The following CDH4 variants were observed in gnomAD, a reference collection of about 807,000 sequenced individuals.
The protein encoded by CDH4 is cadherin 4, also known as cadherin-4.
Under a neutral mutation model 86.0 loss-of-function variants are expected in CDH4, and 33 were observed. The ratio of observed to expected loss-of-function variants is 0.38; its 90% CI spans 0.29 to 0.51. The LOEUF (loss-of-function observed/expected upper bound fraction) is 0.51, where lower values mean the gene tolerates loss of function less well. Ranked by LOEUF, CDH4 falls within the 20% of genes least tolerant of loss-of-function variation. The pLI is 0.86. For synonymous variants in CDH4, 555 were observed against 549.4 expected, an observed-to-expected ratio of 1.01 and a Z score of -0.14; for missense variants, 1,114 against 1,307.4, an observed-to-expected ratio of 0.85 and a Z score of 2.28.
At chr20:61,639,654 T>A (rs2086985097) in intron 2 of CDH4, among the ~76,000 whole-genome samples, 1 of 152,208 alleles carries the variant, frequency 6.6e-6, no homozygotes, top group African/African-American at 2.4e-5. Context: ...GGGCCCTGAC[T>A]CTGCATGGTT....
At chr20:61,523,454 G>T (rs1350447732) in intron 2 of CDH4, among the ~76,000 whole-genome samples, 1 of 152,262 alleles carries the variant, frequency 6.6e-6, no homozygotes, top group African/African-American at 2.4e-5. Context: ...GAAGGCATTT[G>T]CCTCCGTCAT....
At position 61,310,961 on chromosome 20, in the gene CDH4, G is replaced by A. The variant is rs771641209; in HGVS notation, c.169+56024G>A. Among the ~76,000 whole-genome samples the A allele has an allele frequency of 1.0e-3, 156 of 152,258 alleles. 1 individual carries two copies. Among genetic ancestry groups the A allele is most frequent in the Middle Eastern group, 6.8e-3 (2 of 294 alleles). On this transcript the variant is annotated intron_variant, in intron 2 of 15. Coordinates refer to ENST00000614565, the MANE Select transcript of CDH4 (RefSeq NM_001794.5). Reference sequence around the variant, plus strand: ...ACGTTCTGTGGTACTGGGGGGTAGGGCTTCAAAATAGGAATTTGACGGGGA... The same window carrying A: ...ACGTTCTGTGGTACTGGGGGGTAGGACTTCAAAATAGGAATTTGACGGGGA...
chr20:61,464,351 AAAG>A (rs570385811), intron 2 of CDH4, among the ~76,000 whole-genome samples: 28 of 152,294 alleles, frequency 1.8e-4, no homozygotes, highest in African/African-American at 6.3e-4. Flanking sequence ...GATTGAACAT[AAAG>A]AGTGAGTGTT....
At chr20:61,649,647 G>A (rs1270084967) in intron 2 of CDH4, among the ~76,000 whole-genome samples, 2 of 152,216 alleles carry the variant, frequency 1.3e-5, no homozygotes, top group African/African-American at 4.8e-5. Flanking sequence ...GAGCGCGCGT[G>A]GCTGAACGGG....
At chr20:61,866,942 G>A (rs1424098524) in intron 6 of CDH4, among the ~76,000 whole-genome samples, 2 of 152,222 alleles carry the variant, frequency 1.3e-5, no homozygotes, top group Non-Finnish European at 2.9e-5. Context: ...CTCCCAAAGA[G>A]GGGCCTCCCA....
chr20:61,624,155 C>T (rs1276010400), intron 2 of CDH4, among the ~76,000 whole-genome samples: 1 of 152,180 alleles, frequency 6.6e-6, no homozygotes, highest in Non-Finnish European at 1.5e-5. Context: ...AACTCCATGA[C>T]CCAAGCATCC....
chr20:61,830,371 C>T (rs755530346), intron 4 of CDH4, among the ~76,000 whole-genome samples: 3 of 152,178 alleles, frequency 2.0e-5, no homozygotes, highest in African/African-American at 4.8e-5. Flanking sequence ...CCCCGGGACC[C>T]TCCCTGGGCT....
Position 61,902,773 on chromosome 20 carries a change from A to G in CDH4, c.1189-7649A>G, listed in dbSNP as rs1466480378. Among the ~76,000 whole-genome samples the G allele has an allele frequency of 1.3e-5, 2 of 152,220 alleles. No individual in the cohort carries two copies. The highest frequency in any genetic ancestry group is 2.9e-5 in the Non-Finnish European group (2 of 68,038). On this transcript the variant is annotated intron_variant, in intron 8 of 15. Coordinates refer to ENST00000614565, the MANE Select transcript of CDH4 (RefSeq NM_001794.5). The surrounding 1 kb of genome is among the most constrained non-coding windows in gnomAD (Gnocchi z 4.6). ...GCTACATAGGTGTCGTTTTGGGAATATTTGAAGGAGGAAGATTCTAGCATT... is the reference window on the plus strand; with the variant it reads ...GCTACATAGGTGTCGTTTTGGGAATGTTTGAAGGAGGAAGATTCTAGCATT...
intron 2 of CDH4, among the ~76,000 whole-genome samples, chr20:61,307,958 C>G (rs2084426414): frequency 1.3e-5 from 2 of 152,296 alleles, no homozygotes; most frequent in South Asian, 4.1e-4. Context: ...AGTGGTGTCA[C>G]CGTAGGAGCT....
intron 2 of CDH4, among the ~76,000 whole-genome samples, chr20:61,362,067 C>T (rs889286048): frequency 9.2e-5 from 14 of 152,214 alleles, no homozygotes; most frequent in South Asian, 2.1e-4. Context: ...GAGGGCTGCG[C>T]GTCCCTTAGC....
At chr20:61,702,451 C>T (rs2087787028) in intron 2 of CDH4, among the ~76,000 whole-genome samples, 2 of 152,186 alleles carry the variant, frequency 1.3e-5, no homozygotes, top group South Asian at 4.1e-4. Context: ...ACAAGGGCCA[C>T]CCTCCCAAAC....
chr20:61,335,661 T>G (rs1367316322), intron 2 of CDH4, among the ~76,000 whole-genome samples: 1 of 152,146 alleles, frequency 6.6e-6, no homozygotes. Context: ...GAAAACTCCC[T>G]CCATGGAGGG....
intron 2 of CDH4, among the ~76,000 whole-genome samples, chr20:61,678,183 A>C (rs2087467859): frequency 7.0e-6 from 1 of 143,324 alleles, no homozygotes; most frequent in Non-Finnish European, 1.5e-5. Context: ...TGGATGATAC[A>C]TAGATAGATG....
rs1209835351 is a variant in CDH4, at chr20:61,923,597, C to T, written c.1521C>T (p.Phe507=). The change falls in exon 10 of 16, where the codon TTC becomes TTT. Residue 507 remains phenylalanine (F), a synonymous_variant. Transcript: ENST00000614565. The part of the protein sequence containing the change: ...SIMDINEAPY[F]PSNHKLIRLE... ...TGGACATCAACGAGGCTCCCTACTTCCCCTCAAACCACAAGCTGATCCGCC... is the reference window on the plus strand; with the variant it reads ...TGGACATCAACGAGGCTCCCTACTTTCCCTCAAACCACAAGCTGATCCGCC... 2.5e-6 allele frequency: 4 copies of T among 1,614,184 alleles called. No individual in the cohort carries two copies. The highest frequency in any genetic ancestry group is 3.4e-6 in the Non-Finnish European group (4 of 1,180,032).
In CDH4 at chr20:61,754,168, A is replaced by G. The variant is rs2088530829; in HGVS notation, c.396+10379A>G. Among the ~76,000 whole-genome samples, 1 of 152,140 alleles carries G rather than the reference A, an allele frequency of 6.6e-6. No individual in the cohort carries two copies. Among genetic ancestry groups the G allele is most frequent in the Admixed American group, 6.5e-5 (1 of 15,272 alleles). ...ACAGCCTCCCAGGGACCAGTGCTGC[A>G]ACATCTTGATTTTGGACTTCTGGCC... On this transcript the variant is annotated intron_variant, in intron 3 of 15. Transcript: ENST00000614565. This position sits in a 1 kb window ranked among gnomAD's most constrained non-coding sequence, Gnocchi z 4.7.
intron 2 of CDH4, among the ~76,000 whole-genome samples, chr20:61,726,535 G>A (rs770534379): frequency 3.3e-5 from 5 of 152,214 alleles, no homozygotes; most frequent in Admixed American, 2.6e-4. Flanking sequence ...ACATTCCCAG[G>A]CATGTGGTAT....
intron 2 of CDH4, among the ~76,000 whole-genome samples, chr20:61,572,912 TCAGATGAATGGATGGATGGGTAGA>T (rs1472006938): frequency 6.8e-5 from 10 of 146,122 alleles, no homozygotes; most frequent in Non-Finnish European, 1.5e-4. Context: ...TGGATGATGG[TCAGATGAATGGATGGATGGGTAGA>T]CAGATGGACA....
chr20:61,566,548 T>C (rs976205516), intron 2 of CDH4, among the ~76,000 whole-genome samples: 1 of 152,072 alleles, frequency 6.6e-6, no homozygotes, highest in Non-Finnish European at 1.5e-5. Flanking sequence ...GCCCCGCACA[T>C]GGACATGGGG....
intron 6 of CDH4, among the ~76,000 whole-genome samples, chr20:61,868,727 A>G (rs866386947): frequency 1.7e-4 from 7 of 41,100 alleles, no homozygotes; most frequent in East Asian, 1.6e-3. Flanking sequence ...CACACTGGGC[A>G]GGTGTCCTCC....
Sources: allele counts gnomAD v4.1 joint callset (sites outside exome capture counted in the v4.1 genomes callset), GRCh38; gene constraint gnomAD v4.1.1; non-coding constraint Gnocchi (gnomAD v3.1); transcripts MANE v1.5; gene names NCBI Gene and HGNC (gene_info 2026-07-23, HGNC 2026-07-21).